Variants in UBE2E2 observed in about 807,000 individuals in gnomAD.
The protein encoded by UBE2E2 is ubiquitin conjugating enzyme E2 E2, also known as ubiquitin-conjugating enzyme E2 E2.
Under a neutral mutation model 24.7 loss-of-function variants are expected in UBE2E2, and 6 were observed. That is an observed-to-expected ratio of 0.24 (90% CI 0.13 to 0.48). UBE2E2 has a LOEUF of 0.48. UBE2E2 is among the 20% of genes least tolerant of loss of function. UBE2E2 has a pLI of 0.99. For missense variants in UBE2E2, 169 were observed against 245.0 expected (o/e 0.69, Z 2.07); for synonymous variants, 104 against 83.6 (o/e 1.24, Z -1.33).
At chr3:23,351,758 GACTTAGACTCCC>G (rs1559357832) in intron 3 of UBE2E2, among the ~76,000 whole-genome samples, 3 of 152,126 alleles carry the variant, frequency 2.0e-5, no homozygotes, top group African/African-American at 7.2e-5. Flanking sequence ...CATACAAAGA[GACTTAGACTCCC>G]ACACAATAAT....
intron 5 of UBE2E2, among the ~76,000 whole-genome samples, chr3:23,534,735 A>G (rs1452317281): frequency 2.0e-5 from 3 of 152,186 alleles, no homozygotes; most frequent in South Asian, 2.1e-4. Context: ...TTTTACCTAC[A>G]GAGGTAGGAA....
At chr3:23,245,586 C>T (rs897041733) in intron 3 of UBE2E2, among the ~76,000 whole-genome samples, 1 of 151,934 alleles carries the variant, frequency 6.6e-6, no homozygotes, top group African/African-American at 2.4e-5. Flanking sequence ...TATCACAGGC[C>T]GTATTTAGAT....
At chr3:23,362,422 G>A (rs1696142719) in intron 3 of UBE2E2, among the ~76,000 whole-genome samples, 1 of 152,156 alleles carries the variant, frequency 6.6e-6, no homozygotes, top group East Asian at 1.9e-4. Context: ...GACCAACACT[G>A]GCACCATAGC....
intron 3 of UBE2E2, among the ~76,000 whole-genome samples, chr3:23,446,766 C>T (rs1182961466): frequency 6.9e-6 from 1 of 145,778 alleles, no homozygotes; most frequent in African/African-American, 2.6e-5. Flanking sequence ...TGGTGAGGAC[C>T]ACCACCCCTG....
intron 3 of UBE2E2, among the ~76,000 whole-genome samples, chr3:23,437,282 T>C (rs563839139): frequency 3.3e-5 from 5 of 152,328 alleles, no homozygotes; most frequent in Admixed American, 6.5e-5. Context: ...ATAGGGATAG[T>C]TCTTCCTTGA....
chr3:23,302,396 G>C (rs889862477), intron 3 of UBE2E2, among the ~76,000 whole-genome samples: 3 of 152,056 alleles, frequency 2.0e-5, no homozygotes, highest in African/African-American at 7.2e-5. Context: ...TTTATTTATT[G>C]CAATTTCCCC....
intron 5 of UBE2E2, among the ~76,000 whole-genome samples, chr3:23,585,137 A>C (rs1405898822): frequency 6.6e-6 from 1 of 151,994 alleles, no homozygotes; most frequent in Non-Finnish European, 1.5e-5. Flanking sequence ...CCACTTTTGG[A>C]GGCCAAGGTG....
upstream of UBE2E2, chr3:23,203,123 G>C (rs1459204320): frequency 1.0e-6 from 1 of 983,168 alleles, no homozygotes; most frequent in Admixed American, 6.2e-5. Context: ...TGCGCGCGCG[G>C]ACGGCCGGGC....
chr3:23,250,991 G>A (rs1251257779), intron 3 of UBE2E2, among the ~76,000 whole-genome samples: 4 of 152,100 alleles, frequency 2.6e-5, no homozygotes, highest in Non-Finnish European at 5.9e-5. Flanking sequence ...CCAGGTAGCT[G>A]GGACTACAGG....
intron 4 of UBE2E2, among the ~76,000 whole-genome samples, chr3:23,520,448 G>C (rs1694837752): frequency 1.3e-5 from 2 of 152,014 alleles, no homozygotes; most frequent in African/African-American, 4.8e-5. Flanking sequence ...AAGAACATAG[G>C]GGAAAAATAT....
At chr3:23,241,459 C>T (rs1697257931) in intron 3 of UBE2E2, among the ~76,000 whole-genome samples, 1 of 152,162 alleles carries the variant, frequency 6.6e-6, no homozygotes. Context: ...TCAGGGCCCC[C>T]TTTGTCTCTC....
At chr3:23,446,064 A>T (rs549823685) in intron 3 of UBE2E2, among the ~76,000 whole-genome samples, 14 of 152,312 alleles carry the variant, frequency 9.2e-5, no homozygotes, top group Middle Eastern at 3.4e-3. Flanking sequence ...CATTGGTCAC[A>T]GATGCACCAT....
At chr3:23,438,880 A>G (rs974371313) in intron 3 of UBE2E2, among the ~76,000 whole-genome samples, 1 of 152,188 alleles carries the variant, frequency 6.6e-6, no homozygotes, top group Non-Finnish European at 1.5e-5. Context: ...CATCACTACA[A>G]ATTTTCTGAT....
At chr3:23,284,698 A>C (rs553648753) in intron 3 of UBE2E2, among the ~76,000 whole-genome samples, 2 of 151,960 alleles carry the variant, frequency 1.3e-5, no homozygotes, top group East Asian at 3.9e-4. Flanking sequence ...TGGTGGGTAC[A>C]TAGTAGGTGG....
intron 3 of UBE2E2, among the ~76,000 whole-genome samples, chr3:23,241,735 C>A (rs1559452739): frequency 6.6e-6 from 1 of 152,138 alleles, no homozygotes; most frequent in Non-Finnish European, 1.5e-5. Context: ...TATTCCCTCC[C>A]ATTAGAATGT....
At chr3:23,262,520 G>T (rs992319653) in intron 3 of UBE2E2, among the ~76,000 whole-genome samples, 8 of 152,044 alleles carry the variant, frequency 5.3e-5, no homozygotes, top group Non-Finnish European at 1.0e-4. Context: ...GCTTCATGCA[G>T]TCCTCCGCCT....
intron 4 of UBE2E2, among the ~76,000 whole-genome samples, chr3:23,519,493 A>C (rs1382910424): frequency 6.6e-6 from 1 of 152,192 alleles, no homozygotes; most frequent in Non-Finnish European, 1.5e-5. Context: ...TTCTGCATAG[A>C]TGTTTAAACA....
intron 3 of UBE2E2, among the ~76,000 whole-genome samples, chr3:23,296,138 A>T (rs1698901941): frequency 6.6e-6 from 1 of 152,094 alleles, no homozygotes; most frequent in Non-Finnish European, 1.5e-5. Context: ...GTAGGCTGAT[A>T]TTTGAATTGG....
At chr3:23,232,293 C>G (rs779568344) in intron 3 of UBE2E2, among the ~76,000 whole-genome samples, 3 of 152,146 alleles carry the variant, frequency 2.0e-5, no homozygotes, top group African/African-American at 4.8e-5. Context: ...GGTTGAAGAA[C>G]AAATACTATT....
Sources: gnomAD v4.1 joint callset for allele counts (sites outside exome capture counted in the v4.1 genomes callset) on GRCh38, gnomAD v4.1.1 for gene constraint, MANE v1.5 for transcripts, NCBI Gene and HGNC (gene_info 2026-07-23, HGNC 2026-07-21) for gene names.